The following SLC22A4 variants were observed in gnomAD, a reference collection of about 807,000 sequenced individuals.
The protein encoded by SLC22A4 is solute carrier family 22 member 4, also known as ET transporter.
A neutral mutation model predicts 56.6 loss-of-function variants in SLC22A4; 39 were observed. The observed-to-expected ratio is 0.69, with a 90% CI of 0.53 to 0.90. The LOEUF is 0.90. SLC22A4 is among the 40% of genes least tolerant of loss of function. The pLI is 0.00. For missense variants in SLC22A4, 594 were observed against 696.5 expected (o/e 0.85, Z 1.66); for synonymous variants, 241 against 281.4 (o/e 0.86, Z 1.44).
In SLC22A4 at chr5:132,343,866, A is replaced by G. The variant is rs770661459; in HGVS notation, c.*31A>G. The G allele has an allele frequency of 2.8e-6, 4 of 1,405,292 alleles. No individual in the cohort carries two copies. In the African/African-American group the frequency reaches 5.7e-5, roughly 20 times the overall value. 87.1% of individuals were successfully genotyped at this position (1,405,292 alleles called of 1,614,324 possible). A position where few individuals can be genotyped will look rare whatever the true frequency, so the allele number is the denominator to read the frequency against. On this transcript the variant is annotated 3_prime_UTR_variant, in exon 10 of 10. Transcript: ENST00000200652. ...TATCTACCCCATTTGGTGAAGTGAA[A>G]AACAGAAAAATAAGACCCTGTGGAG...
At chr5:132,343,115 T>G (rs941915375) in intron 9 of SLC22A4, among the ~76,000 whole-genome samples, 5 of 152,310 alleles carry the variant, frequency 3.3e-5, no homozygotes, top group African/African-American at 1.2e-4. Context: ...TTAGGATCTC[T>G]ATGTTAGGAG....
chr5:132,322,342 G>C lies in SLC22A4; in HGVS notation c.811G>C (p.Val271Leu), dbSNP rs375525577. Reference sequence around the variant, plus strand: ...GCTGACGGTGCCGGGAGTGCTGTGTGTCCCGCTGTGGTGGTGAGTGTGACT... The same window carrying C: ...GCTGACGGTGCCGGGAGTGCTGTGTCTCCCGCTGTGGTGGTGAGTGTGACT... ...LALTVPGVLC[V>L]PLWWFIPESP... The change falls in exon 4 of 10, where the codon GTC becomes CTC. Residue 271 changes from valine (V) to leucine (L), a missense_variant. Val to Leu is a conservative substitution (Grantham distance 32). Transcript: ENST00000200652. The C allele has an allele frequency of 1.9e-6, 3 of 1,613,488 alleles. No individual in the cohort carries two copies. The highest frequency in any genetic ancestry group is 2.7e-5 in the African/African-American group (2 of 74,908).
At position 132,300,505 on chromosome 5, in the gene SLC22A4, C is replaced by T. The variant is rs577982067; in HGVS notation, c.393+5496C>T. On this transcript the variant is annotated intron_variant, in intron 1 of 9. Coordinates refer to ENST00000200652, the MANE Select transcript of SLC22A4 (RefSeq NM_003059.3). ...TCAACATTTATTAATTGGAATTCTT[C>T]TGAGAAGAAGAGCTTCCCCTCCACA... 7.9e-5 allele frequency among the ~76,000 whole-genome samples: 12 copies of T among 152,318 alleles called. No homozygotes were observed. In the South Asian group the frequency reaches 2.1e-3, roughly 26 times the overall value.
intron 1 of SLC22A4, 102 bp downstream of exon 1, chr5:132,295,111 TCCC>T (rs1749751028): frequency 7.7e-7 from 1 of 1,303,846 alleles, no homozygotes; most frequent in African/African-American, 1.5e-5. Context: ...AGCGCTCCCC[TCCC>T]CCTCAAACCT....
intron 6 of SLC22A4, 35 bp from the exon 7 acceptor site, chr5:132,334,683 A>T: frequency 6.9e-7 from 1 of 1,458,126 alleles, no homozygotes. Context: ...AGCGATTCAC[A>T]CCATCCCTTT....
intron 4 of SLC22A4, among the ~76,000 whole-genome samples, chr5:132,323,835 G>A (rs549249333): frequency 6.6e-6 from 1 of 152,320 alleles, no homozygotes; most frequent in African/African-American, 2.4e-5. Context: ...CAGCTGAATG[G>A]TTTTAATAAA....
At chr5:132,321,244 G>A (rs1750529464) in intron 3 of SLC22A4, among the ~76,000 whole-genome samples, 1 of 152,170 alleles carries the variant, frequency 6.6e-6, no homozygotes, top group Non-Finnish European at 1.5e-5. Flanking sequence ...AATGGACTGT[G>A]GACTGTGTCT....
At chr5:132,317,302 C>T (rs543927740) in intron 3 of SLC22A4, among the ~76,000 whole-genome samples, 2 of 152,330 alleles carry the variant, frequency 1.3e-5, no homozygotes, top group South Asian at 4.1e-4. Context: ...CTATCTAACT[C>T]CTCATCACCC....
intron 1 of SLC22A4, among the ~76,000 whole-genome samples, chr5:132,300,549 C>T (rs1749886125): frequency 6.6e-6 from 1 of 152,170 alleles, no homozygotes; most frequent in African/African-American, 2.4e-5. Flanking sequence ...TTAATGTATG[C>T]AATTGTTAAC....
intron 4 of SLC22A4, among the ~76,000 whole-genome samples, chr5:132,325,907 C>G (rs1027063547): frequency 6.6e-6 from 1 of 152,190 alleles, no homozygotes; most frequent in African/African-American, 2.4e-5. Flanking sequence ...GCCATGACAA[C>G]ACTCAGGCTT....
At chr5:132,329,804 T>A (rs1750804009) in intron 5 of SLC22A4, among the ~76,000 whole-genome samples, 1 of 152,212 alleles carries the variant, frequency 6.6e-6, no homozygotes, top group African/African-American at 2.4e-5. Flanking sequence ...AGCATATTCT[T>A]GTTCTGAGGT....
intron 6 of SLC22A4, among the ~76,000 whole-genome samples, chr5:132,332,619 C>G (rs1161255953): frequency 6.6e-6 from 1 of 152,000 alleles, no homozygotes; most frequent in Non-Finnish European, 1.5e-5. Context: ...CAATAGCAAA[C>G]TAACAAGTGG....
intron 9 of SLC22A4, 36 bp from the exon 10 acceptor site, chr5:132,343,724 A>G (rs767784859): frequency 7.6e-7 from 1 of 1,312,690 alleles, no homozygotes; most frequent in East Asian, 2.3e-5. Context: ...AAAGTCTTGA[A>G]TATTTAATTT....
Position 132,340,961 on chromosome 5 carries a change from C to G in SLC22A4, c.1580+261C>G, listed in dbSNP as rs144121299. 2.6e-5 allele frequency among the ~76,000 whole-genome samples: 4 copies of G among 151,672 alleles called. No homozygotes were observed. The East Asian group carries it at 7.8e-4, about 29-fold the overall frequency. ...TGAAACCTCATCTTTACTAAAAATA[C>G]AAAAAATTAGCTGGGTGTGGTGGCA... On this transcript the variant is annotated intron_variant, in intron 9 of 9. Transcript: ENST00000200652.
chr5:132,296,789 C>T (rs879267682), intron 1 of SLC22A4, among the ~76,000 whole-genome samples: 47 of 152,368 alleles, frequency 3.1e-4, no homozygotes, highest in Admixed American at 9.1e-4. Flanking sequence ...GCAGCCTTCC[C>T]TGGCAGCTGG....
At chr5:132,302,551 AC>A (rs775739290) in intron 1 of SLC22A4, among the ~76,000 whole-genome samples, 1 of 152,132 alleles carries the variant, frequency 6.6e-6, no homozygotes, top group Non-Finnish European at 1.5e-5. Context: ...GGCTGGAATG[AC>A]CCACATGCTC....
intron 1 of SLC22A4, among the ~76,000 whole-genome samples, chr5:132,309,269 C>G (rs1750119211): frequency 6.6e-6 from 1 of 152,238 alleles, no homozygotes; most frequent in South Asian, 2.1e-4. Flanking sequence ...CAAAAAGACA[C>G]TTGCGGCACC....
chr5:132,318,643 A>ACTCC (rs1750434325), intron 3 of SLC22A4, among the ~76,000 whole-genome samples: 1 of 151,682 alleles, frequency 6.6e-6, no homozygotes, highest in Non-Finnish European at 1.5e-5. Flanking sequence ...TCTCTGAGTC[A>ACTCC]CTCCCTCTTG....
chr5:132,324,383 G>T (rs1750622966), intron 4 of SLC22A4: 3 of 393,536 alleles, frequency 7.6e-6, no homozygotes, highest in Non-Finnish European at 1.6e-5. Flanking sequence ...AGCCTCCAGA[G>T]TTTCCAGCAG....
Sources: allele counts gnomAD v4.1 joint callset (sites outside exome capture counted in the v4.1 genomes callset), GRCh38; gene constraint gnomAD v4.1.1; transcripts MANE v1.5; gene names NCBI Gene and HGNC (gene_info 2026-07-23, HGNC 2026-07-21).